CNOT11: variants seen among roughly 807,000 people sequenced by gnomAD.
The protein encoded by CNOT11 is CCR4-NOT transcription complex subunit 11, also known as UPF0760 protein C2orf29.
CNOT11 carries 18 observed loss-of-function variants against 44.6 expected under a neutral mutation model. That is an observed-to-expected ratio of 0.40 (90% CI 0.28 to 0.60). The LOEUF (loss-of-function observed/expected upper bound fraction) is 0.60. Among genes scored for constraint, CNOT11 ranks in the 20% least tolerant of loss-of-function variants. CNOT11 has a pLI of 0.38. For synonymous variants in CNOT11, 291 were observed against 270.9 expected, an observed-to-expected ratio of 1.07 and a Z score of -0.73; for missense variants, 513 against 677.0, an observed-to-expected ratio of 0.76 and a Z score of 2.69.
chr2:101,261,304 A>G (rs1681856013), intron 2 of CNOT11, among the ~76,000 whole-genome samples: 1 of 152,044 alleles, frequency 6.6e-6, no homozygotes, highest in Non-Finnish European at 1.5e-5. Context: ...CTTGAACTTT[A>G]TACATGTGGA....
intron 2 of CNOT11, among the ~76,000 whole-genome samples, chr2:101,258,659 G>A (rs955820889): frequency 2.0e-5 from 3 of 151,040 alleles, no homozygotes; most frequent in African/African-American, 2.4e-5. Flanking sequence ...AGTGTTTTTT[G>A]CAGAAATAGA....
intron 3 of CNOT11, among the ~76,000 whole-genome samples, chr2:101,263,212 A>G (rs947901946): frequency 8.5e-5 from 13 of 152,150 alleles, no homozygotes; most frequent in Non-Finnish European, 1.6e-4. Flanking sequence ...TTCTGTCTCA[A>G]AAAGGAAAAA....
intron 1 of CNOT11, among the ~76,000 whole-genome samples, chr2:101,255,578 A>T (rs1207817827): frequency 6.6e-6 from 1 of 151,920 alleles, no homozygotes; most frequent in Non-Finnish European, 1.5e-5. Context: ...ATAACATAGA[A>T]GAGAAAATAT....
In CNOT11 at chr2:101,266,808, C is replaced by T; in HGVS notation, c.1167C>T (p.Ser389=). 6.2e-7 allele frequency: 1 copy of T among 1,613,958 alleles called. No homozygotes were observed. The highest frequency in any genetic ancestry group is 1.7e-5 in the Admixed American group (1 of 60,024). The change falls in exon 5 of 7, where the codon AGC becomes AGT. Residue 389 remains serine (S), a synonymous_variant. Coordinates refer to ENST00000289382, the MANE Select transcript of CNOT11 (RefSeq NM_017546.5). ...TGTTGCTGAAATTAATGCAGTCAAG[C>T]CAGATCACTGAGTATTTCTCTGTCC... is the stretch of plus-strand genomic sequence containing the variant. ...IEMLLKLMQS[S]QITEYFSVLV... is the part of the protein sequence containing the mutation.
At chr2:101,255,758 A>G (rs1681724114) in intron 1 of CNOT11, among the ~76,000 whole-genome samples, 1 of 152,186 alleles carries the variant, frequency 6.6e-6, no homozygotes, top group South Asian at 2.1e-4. Context: ...GAGCTGGAGA[A>G]ATTCTCAGGA....
At chr2:101,266,256 C>G (rs996444163) in intron 4 of CNOT11, among the ~76,000 whole-genome samples, 1 of 152,108 alleles carries the variant, frequency 6.6e-6, no homozygotes, top group Non-Finnish European at 1.5e-5. Context: ...CTGGTCTCCA[C>G]CTGGGTGGGG....
At chr2:101,257,000 G>A (rs1484085871) in intron 1 of CNOT11, among the ~76,000 whole-genome samples, 2 of 151,844 alleles carry the variant, frequency 1.3e-5, no homozygotes, top group Non-Finnish European at 2.9e-5. Flanking sequence ...AGTGAGCCGA[G>A]ATTGCACCAC....
At chr2:101,255,996 C>T (rs1173660210) in intron 1 of CNOT11, among the ~76,000 whole-genome samples, 1 of 151,860 alleles carries the variant, frequency 6.6e-6, no homozygotes, top group Non-Finnish European at 1.5e-5. Flanking sequence ...AAAATTAGCC[C>T]GGCATGATGG....
In CNOT11 at chr2:101,253,381, G is replaced by A. The variant is rs550827693; in HGVS notation, c.417G>A (p.Pro139=). The A allele has an allele frequency of 4.3e-5, 69 of 1,592,124 alleles. No homozygotes were observed. Among genetic ancestry groups the A allele is most frequent in the Non-Finnish European group, 4.8e-5 (56 of 1,176,022 alleles). ...YLLWEMYRTE[P]LAANPFAASF... ...TCTGGGAGATGTACCGCACCGAGCC[G>A]CTGGCCGCCAACCCCTTCGCCGCCA... The change falls in exon 1 of 7, where the codon CCG becomes CCA. Residue 139 remains proline, a synonymous_variant. Coordinates refer to ENST00000289382, the MANE Select transcript of CNOT11 (RefSeq NM_017546.5). The surrounding 1 kb of genome is among the most constrained non-coding windows in gnomAD (Gnocchi z 4.3).
intron 3 of CNOT11, among the ~76,000 whole-genome samples, chr2:101,263,803 T>C (rs1291366682): frequency 6.6e-6 from 1 of 152,266 alleles, no homozygotes; most frequent in Non-Finnish European, 1.5e-5. Flanking sequence ...GGCAGAACTC[T>C]AAATTGCATA....
At chr2:101,268,748 A>G (rs1414070853) in intron 5 of CNOT11, among the ~76,000 whole-genome samples, 1 of 152,222 alleles carries the variant, frequency 6.6e-6, no homozygotes, top group Non-Finnish European at 1.5e-5. Flanking sequence ...TTATGACTCT[A>G]AATTCCAATA....
At chr2:101,263,447 A>C (rs894346405) in intron 3 of CNOT11, among the ~76,000 whole-genome samples, 1 of 152,174 alleles carries the variant, frequency 6.6e-6, no homozygotes, top group Non-Finnish European at 1.5e-5. Flanking sequence ...GAATCTTGCT[A>C]TGATGCCCAG....
At chr2:101,265,849 A>G (rs1240198615) in intron 4 of CNOT11, among the ~76,000 whole-genome samples, 2 of 152,218 alleles carry the variant, frequency 1.3e-5, no homozygotes, top group Admixed American at 1.3e-4. Context: ...TCCTCAGGAA[A>G]GGCAAGGCCA....
chr2:101,261,704 G>A (rs1195791294), intron 2 of CNOT11, among the ~76,000 whole-genome samples: 1 of 152,086 alleles, frequency 6.6e-6, no homozygotes, highest in East Asian at 1.9e-4. Context: ...GTATGTTATA[G>A]TATCTTGTGT....
Position 101,253,441 on chromosome 2 carries a change from C to A in CNOT11, c.477C>A (p.Ala159=). Residue 159 remains alanine (A), a synonymous_variant, in exon 1 of 7, where the codon GCC becomes GCA. Transcript: ENST00000289382. The surrounding 1 kb of genome is among the most constrained non-coding windows in gnomAD (Gnocchi z 4.3). ...ACCTGCTCAACCCCGCGCCGCCCGC[C>A]CGCGGCGGCCAGGAACCCGACCGCC... ...FAHLLNPAPP[A]RGGQEPDRPP... is the part of the protein sequence containing the mutation. 6.6e-7 allele frequency: 1 copy of A among 1,526,060 alleles called. No homozygotes were observed. Among genetic ancestry groups the A allele is most frequent in the African/African-American group, 1.4e-5 (1 of 71,070 alleles). 94.5% of individuals were successfully genotyped at this position (1,526,060 alleles called of 1,614,324 possible). A position where few individuals can be genotyped will look rare whatever the true frequency, so the allele number is the denominator to read the frequency against.
At chr2:101,256,674 A>G (rs1046880571) in intron 1 of CNOT11, among the ~76,000 whole-genome samples, 2 of 152,242 alleles carry the variant, frequency 1.3e-5, no homozygotes, top group African/African-American at 4.8e-5. Context: ...AAAGAAAAGC[A>G]TTTCCGAGCA....
intron 1 of CNOT11, 62 bp from the exon 2 acceptor site, chr2:101,257,729 C>T: frequency 7.1e-7 from 1 of 1,400,494 alleles, no homozygotes; most frequent in Non-Finnish European, 9.9e-7. Flanking sequence ...CTGATTTTAC[C>T]AGATTCAAGT....
intron 2 of CNOT11, among the ~76,000 whole-genome samples, chr2:101,258,245 AT>A (rs1681775869): frequency 6.6e-6 from 1 of 151,936 alleles, no homozygotes. Context: ...TATACAAAAA[AT>A]TAGCCAGACA....
chr2:101,262,727 T>C, intron 3 of CNOT11, 36 bp downstream of exon 3: 5 of 1,573,958 alleles, frequency 3.2e-6, no homozygotes, highest in South Asian at 1.1e-5. Flanking sequence ...CTCTTTGTTT[T>C]ATTCTGTCAG....
Sources: allele counts gnomAD v4.1 joint callset (sites outside exome capture counted in the v4.1 genomes callset), GRCh38; gene constraint gnomAD v4.1.1; non-coding constraint Gnocchi (gnomAD v3.1); transcripts MANE v1.5; gene names NCBI Gene and HGNC (gene_info 2026-07-23, HGNC 2026-07-21).